Variants in HPN observed in about 807,000 individuals in gnomAD.
The protein encoded by HPN is hepsin.
HPN carries 13 observed loss-of-function variants against 55.9 expected under a neutral mutation model. The ratio of observed to expected loss-of-function variants is 0.23; its 90% CI spans 0.15 to 0.37. The LOEUF is 0.37. Ranked by LOEUF, HPN falls within the 10% of genes least tolerant of loss-of-function variation. The pLI is 1.00. For missense variants in HPN, 451 were observed against 575.8 expected (o/e 0.78, Z 2.22); for synonymous variants, 225 against 240.3 (o/e 0.94, Z 0.59).
At chr19:35,054,002 C>A (rs1022443618) in intron 4 of HPN, among the ~76,000 whole-genome samples, 8 of 152,220 alleles carry the variant, frequency 5.3e-5, no homozygotes, top group Admixed American at 1.3e-4. Flanking sequence ...ATGAGACCCA[C>A]AGAAGGAACA....
At chr19:35,053,312 A>C (rs1213903261) in intron 4 of HPN, among the ~76,000 whole-genome samples, 1 of 152,098 alleles carries the variant, frequency 6.6e-6, no homozygotes, top group East Asian at 1.9e-4. Flanking sequence ...AGCAGTTAAC[A>C]GTCATTTTAA....
rs760819514 is a variant in HPN, at chr19:35,059,719, G to A, written c.207G>A (p.Thr69=). The part of the protein sequence containing the change: ...ADARLMVFDK[T]EGTWRLLCSS... ...CTCGGCTCATGGTCTTTGACAAGAC[G>A]GAAGGGACGTGGCGGCTGCTGTGCT... The change falls in exon 5 of 13, where the codon ACG becomes ACA. Residue 69 remains threonine (T), a synonymous_variant. Coordinates refer to ENST00000672452, the MANE Select transcript of HPN (RefSeq NM_001384133.1). The A allele has an allele frequency of 1.0e-5, 16 of 1,600,256 alleles. No homozygotes were observed. The highest frequency in any genetic ancestry group is 5.6e-5 in the South Asian group (5 of 88,618).
Position 35,053,632 on chromosome 19 carries a change from C to T in HPN, c.160+4116C>T, listed in dbSNP as rs373157236. Among the ~76,000 whole-genome samples the T allele has an allele frequency of 1.3e-3, 193 of 152,314 alleles. 4 individuals are homozygous for T. The South Asian group carries it at 0.036, about 28-fold the overall frequency. On this transcript the variant is annotated intron_variant, in intron 4 of 12. Transcript: ENST00000672452. Reference sequence around the variant, plus strand: ...TGGTGGCTGGTGCCTGTAATCCCAGCTATTTGGGAGGCTGAGGCATGAGAA... The same window carrying T: ...TGGTGGCTGGTGCCTGTAATCCCAGTTATTTGGGAGGCTGAGGCATGAGAA...
intron 1 of HPN, 68 bp from the exon 2 acceptor site, chr19:35,042,385 C>A: frequency 6.8e-7 from 1 of 1,479,910 alleles, no homozygotes; most frequent in Non-Finnish European, 9.0e-7. Flanking sequence ...ACGCCTGGGA[C>A]TGGGGGCGCC....
rs1180480224 is a variant in HPN at position 35,042,445 on chromosome 19, C to T, written c.-54-8C>T. The T allele has an allele frequency of 1.3e-6, 2 of 1,571,988 alleles. No homozygotes were observed. Among genetic ancestry groups the T allele is most frequent in the East Asian group, 2.3e-5 (1 of 42,898 alleles). On this transcript the variant is annotated splice_region_variant and splice_polypyrimidine_tract_variant and intron_variant, in intron 1 of 12. Transcript: ENST00000672452. ...CCAGGCCCTGCCTCCCCGTCCATCT[C>T]CTCACAGGTCCCACCCTGGCCCAGG...
At chr19:35,057,818 T>C (rs1182320076) in intron 4 of HPN, among the ~76,000 whole-genome samples, 5 of 152,212 alleles carry the variant, frequency 3.3e-5, no homozygotes, top group African/African-American at 1.2e-4. Flanking sequence ...CATCATCTTG[T>C]ACACCATCAA....
At position 35,049,408 on chromosome 19, in the gene HPN, T is replaced by G. The variant is rs2064379768; in HGVS notation, c.118+17T>G. ...GGGCCATTGGTGAGAGCGGTTCCTG[T>G]GCCTCTGACCTCCCCTGGCCCCTGC... is the stretch of plus-strand genomic sequence containing the variant. On this transcript the variant is annotated intron_variant, in intron 3 of 12. Transcript: ENST00000672452. 6.2e-7 allele frequency: 1 copy of G among 1,609,072 alleles called. No individual in the cohort carries two copies. Among genetic ancestry groups the G allele is most frequent in the African/African-American group, 1.3e-5 (1 of 74,792 alleles).
chr19:35,064,343 TTCTC>T (rs2064574632), intron 9 of HPN, among the ~76,000 whole-genome samples: 2 of 151,272 alleles, frequency 1.3e-5, no homozygotes, highest in South Asian at 2.1e-4. Context: ...TCTCTCTTTC[TTCTC>T]TCTCTCTCTT....
At chr19:35,046,841 T>A (rs2064346701) in intron 2 of HPN, among the ~76,000 whole-genome samples, 1 of 152,072 alleles carries the variant, frequency 6.6e-6, no homozygotes, top group African/African-American at 2.4e-5. Flanking sequence ...TATTTATTTA[T>A]TTTTTGAGAC....
Position 35,066,116 on chromosome 19 carries a change from A to G in HPN, c.1215+84A>G, listed in dbSNP as rs533162879. The G allele has an allele frequency of 1.9e-6, 3 of 1,612,412 alleles. No homozygotes were observed. In the East Asian group the frequency reaches 6.7e-5, roughly 36 times the overall value. On this transcript the variant is annotated intron_variant, in intron 12 of 12. Coordinates refer to ENST00000672452, the MANE Select transcript of HPN (RefSeq NM_001384133.1). ...AGGGAGGCAGAGATTTGTTTTAGGA[A>G]ACCTACGCTCAGGCCTAGAAGAGGG...
Position 35,060,478 on chromosome 19 carries a change from G to A in HPN, c.586G>A (p.Asp196Asn), listed in dbSNP as rs1381660262. ...HLCGGSLLSG[D>N]WVLTAAHCFP... ...CTGTGGGGGATCCCTGCTCTCCGGGGACTGGGTGCTGACAGCCGCCCACTG... is the reference window on the plus strand; with the variant it reads ...CTGTGGGGGATCCCTGCTCTCCGGGAACTGGGTGCTGACAGCCGCCCACTG... Residue 196 changes from aspartate (D) to asparagine (N), a missense_variant, in exon 8 of 13, where the codon GAC becomes AAC. Asp to Asn is a conservative substitution (Grantham distance 23, BLOSUM62 1). Around this residue, in one of 2 missense-constraint regions of HPN, gnomAD observed 378 missense variants for 445.5 expected, o/e 0.85. Transcript: ENST00000672452. 3 of 1,613,354 alleles carry A rather than the reference G, an allele frequency of 1.9e-6. No individual in the cohort carries two copies. The highest frequency in any genetic ancestry group is 1.1e-5 in the South Asian group (1 of 91,078).
chr19:35,061,585 C>T (rs572897318), intron 9 of HPN, among the ~76,000 whole-genome samples: 2 of 152,156 alleles, frequency 1.3e-5, no homozygotes, highest in South Asian at 2.1e-4. Flanking sequence ...CAGAGCAAGG[C>T]TCTGTCATCT....
intron 2 of HPN, among the ~76,000 whole-genome samples, chr19:35,048,082 A>AAGAAAGAAAGAAAAGGAAGG (rs111546288): frequency 4.8e-4 from 47 of 97,030 alleles, no homozygotes; most frequent in African/African-American, 1.9e-3. Flanking sequence ...GAAAGAAAGA[A>AAGAAAGAAAGAAAAGGAAGG]AAGGAAGGAA....
intron 4 of HPN, among the ~76,000 whole-genome samples, chr19:35,058,585 T>C (rs112427988): frequency 2.1e-5 from 3 of 146,028 alleles, no homozygotes; most frequent in African/African-American, 5.0e-5. Context: ...TATAATAATA[T>C]ATTATTATAT....
At position 35,060,373 on chromosome 19, in the gene HPN, G is replaced by A. The variant is rs1390541322; in HGVS notation, c.481G>A (p.Asp161Asn). ...QDCGRRKLPV[D>N]RIVGGRDTSL... Reference sequence around the variant, plus strand: ...CTGTGGCCGCAGGAAGCTGCCCGTGGACCGCATCGTGGGAGGCCGGGACAC... The same window carrying A: ...CTGTGGCCGCAGGAAGCTGCCCGTGAACCGCATCGTGGGAGGCCGGGACAC... The change falls in exon 8 of 13, where the codon GAC (aspartate) becomes AAC (asparagine). Residue 161 changes from aspartate (D) to asparagine (N), a missense_variant. Physicochemically the swap from Asp to Asn is conservative, Grantham distance 23. Coordinates refer to ENST00000672452, the MANE Select transcript of HPN (RefSeq NM_001384133.1). 6.2e-7 allele frequency: 1 copy of A among 1,612,318 alleles called. No homozygotes were observed.
chr19:35,048,468 A>G (rs1490896672), intron 2 of HPN, among the ~76,000 whole-genome samples: 1 of 152,244 alleles, frequency 6.6e-6, no homozygotes, highest in Non-Finnish European at 1.5e-5. Flanking sequence ...TCTTCTTGAA[A>G]ATAACTTTAA....
At chr19:35,042,693 T>G (rs2064306372) in intron 2 of HPN, among the ~76,000 whole-genome samples, 171 bp downstream of exon 2, 1 of 151,938 alleles carries the variant, frequency 6.6e-6, no homozygotes, top group Non-Finnish European at 1.5e-5. Context: ...CCACATTTTC[T>G]GTGCAGCTGT....
rs773491716 is a variant in HPN, at chr19:35,060,808, C to T, written c.802C>T (p.Pro268Ser). 1 of 1,581,542 alleles carries T rather than the reference C, an allele frequency of 6.3e-7. No homozygotes were observed. The change falls in exon 9 of 13, where the codon CCC becomes TCC. Residue 268 changes from proline (P) to serine (S), a missense_variant. Transcript: ENST00000672452. ...CCTGGTCCACCTCTCCAGTCCCCTG[C>T]CCCTCACAGGTAAGTCTAAGGGCTG... ...IALVHLSSPL[P>S]LTEYIQPVCL...
rs2151759871 is a variant in HPN at position 35,053,437 on chromosome 19, C to T, written c.160+3921C>T. Reference sequence around the variant, plus strand: ...GGTGCCAGGCATTCCCTGCCCCAACCCCAGAGCAGGAGACCGTAATTAAGG... The same window carrying T: ...GGTGCCAGGCATTCCCTGCCCCAACTCCAGAGCAGGAGACCGTAATTAAGG... On this transcript the variant is annotated intron_variant, in intron 4 of 12. Transcript: ENST00000672452. Among the ~76,000 whole-genome samples, 2 of 151,392 alleles carry T rather than the reference C, an allele frequency of 1.3e-5. 1 individual carries two copies. Among genetic ancestry groups the T allele is most frequent in the South Asian group, 4.2e-4 (2 of 4,810 alleles).
Sources: gnomAD v4.1 joint callset for allele counts (sites outside exome capture counted in the v4.1 genomes callset) on GRCh38, gnomAD v4.1.1 for gene constraint, gnomAD v4.1.1 regional missense constraint, MANE v1.5 for transcripts, NCBI Gene and HGNC (gene_info 2026-07-23, HGNC 2026-07-21) for gene names.